The following ELMO1 variants were observed in gnomAD, a reference collection of about 807,000 sequenced individuals.
ELMO1 encodes engulfment and cell motility protein 1.
Under a neutral mutation model 98.9 loss-of-function variants are expected in ELMO1, and 26 were observed. The observed-to-expected ratio is 0.26, with a 90% confidence interval of 0.19 to 0.36. ELMO1 has a LOEUF of 0.36. ELMO1 is among the 10% of genes least tolerant of loss of function. The probability of loss-of-function intolerance (pLI) is 1.00; values close to 1 mark genes in which losing one functional copy is unlikely to be tolerated. For missense variants in ELMO1, 627 were observed against 935.2 expected (o/e 0.67, Z 4.30); for synonymous variants, 346 against 346.0 (o/e 1.00, Z 0.00).
chr7:37,032,615 T>C (rs1477163809), intron 15 of ELMO1, among the ~76,000 whole-genome samples: 1 of 152,140 alleles, frequency 6.6e-6, no homozygotes, highest in East Asian at 1.9e-4. Context: ...GAGAGAGACA[T>C]TCTCCAAAAT....
At chr7:36,915,066 G>A (rs1316405594) in intron 16 of ELMO1, among the ~76,000 whole-genome samples, 3 of 152,094 alleles carry the variant, frequency 2.0e-5, no homozygotes, top group Admixed American at 6.5e-5. Context: ...CAATCCAGGT[G>A]TGCACCACCA....
chr7:37,160,715 G>T (rs913537323), intron 13 of ELMO1, among the ~76,000 whole-genome samples: 2 of 152,176 alleles, frequency 1.3e-5, no homozygotes, highest in African/African-American at 2.4e-5. Flanking sequence ...GTGCCTGGGA[G>T]TCCTGTGCCC....
At chr7:37,339,556 G>C (rs868388476) in intron 2 of ELMO1, among the ~76,000 whole-genome samples, 28 of 152,210 alleles carry the variant, frequency 1.8e-4, no homozygotes, top group African/African-American at 5.8e-4. Context: ...GAACAAGGTA[G>C]AAGATTAGGA....
chr7:37,259,237 C>T lies in ELMO1; in HGVS notation c.357G>A (p.Glu119=). 6.2e-7 allele frequency: 1 copy of T among 1,614,120 alleles called. No individual in the cohort carries two copies. Among genetic ancestry groups the T allele is most frequent in the Non-Finnish European group, 8.5e-7 (1 of 1,180,002 alleles). The change falls in exon 6 of 22, where the codon GAG becomes GAA. Residue 119 remains glutamate, a synonymous_variant. Coordinates refer to ENST00000310758, the MANE Select transcript of ELMO1 (RefSeq NM_014800.11). Reference sequence around the variant, plus strand: ...GAGAGATACCGTCCAGGTTTATAAACTCCTGGGCAAACGTGACATCCCGGG... The same window carrying T: ...GAGAGATACCGTCCAGGTTTATAAATTCCTGGGCAAACGTGACATCCCGGG... ...SLSRDVTFAQ[E]FINLDGISLL... is the part of the protein sequence containing the mutation.
chr7:36,868,443 T>C (rs1772535659), intron 20 of ELMO1, among the ~76,000 whole-genome samples: 1 of 151,982 alleles, frequency 6.6e-6, no homozygotes, highest in Non-Finnish European at 1.5e-5. Flanking sequence ...CCTCCTGGGT[T>C]CAAGTGATTC....
chr7:37,211,082 G>C, intron 13 of ELMO1: 1 of 258,156 alleles, frequency 3.9e-6, no homozygotes, highest in South Asian at 6.1e-5. Context: ...CAAATCTTAA[G>C]CATCTTGTGA....
At chr7:37,043,964 T>G (rs1369806464) in intron 15 of ELMO1, among the ~76,000 whole-genome samples, 1 of 152,140 alleles carries the variant, frequency 6.6e-6, no homozygotes, top group Non-Finnish European at 1.5e-5. Context: ...TCCCCAAGAC[T>G]TGAAATAATG....
intron 4 of ELMO1, among the ~76,000 whole-genome samples, chr7:37,281,401 GA>G (rs1433194272): frequency 6.6e-6 from 1 of 152,004 alleles, no homozygotes; most frequent in Non-Finnish European, 1.5e-5. Context: ...GTGTGAGGAA[GA>G]AAAAAACAAT....
chr7:36,983,890 A>G (rs1040135184), intron 16 of ELMO1, among the ~76,000 whole-genome samples: 2 of 152,154 alleles, frequency 1.3e-5, no homozygotes, highest in African/African-American at 4.8e-5. Context: ...TGGGGGGAGC[A>G]GAGAGGAGGT....
chr7:36,982,020 A>C (rs1436651487), intron 16 of ELMO1, among the ~76,000 whole-genome samples: 1 of 152,252 alleles, frequency 6.6e-6, no homozygotes, highest in African/African-American at 2.4e-5. Context: ...AGTAGCCACT[A>C]AACACGGTGG....
chr7:36,925,601 C>T (rs982241953), intron 16 of ELMO1, among the ~76,000 whole-genome samples: 4 of 152,202 alleles, frequency 2.6e-5, no homozygotes, highest in African/African-American at 9.7e-5. Context: ...CAGTGCAGGG[C>T]CTGAAAGCCC....
intron 1 of ELMO1, among the ~76,000 whole-genome samples, chr7:37,367,235 T>A (rs919919923): frequency 2.0e-5 from 3 of 152,224 alleles, no homozygotes; most frequent in Non-Finnish European, 4.4e-5. Flanking sequence ...GGTAACCTAA[T>A]GCCAGTAAAA....
At chr7:37,042,586 A>C (rs572371528) in intron 15 of ELMO1, among the ~76,000 whole-genome samples, 2 of 152,312 alleles carry the variant, frequency 1.3e-5, no homozygotes, top group Non-Finnish European at 2.9e-5. Context: ...TATGGAAAAG[A>C]TGCAGGCTCT....
intron 13 of ELMO1, among the ~76,000 whole-genome samples, chr7:37,146,298 T>C (rs958385054): frequency 2.0e-5 from 3 of 152,182 alleles, no homozygotes; most frequent in African/African-American, 7.2e-5. Flanking sequence ...GAGCCAAGAA[T>C]GTGCATTCAT....
chr7:37,081,502 C>T (rs897116114), intron 15 of ELMO1, among the ~76,000 whole-genome samples: 1 of 152,178 alleles, frequency 6.6e-6, no homozygotes, highest in East Asian at 1.9e-4. Flanking sequence ...TTCCATCATT[C>T]CCATGTGTTG....
intron 1 of ELMO1, among the ~76,000 whole-genome samples, chr7:37,344,068 G>A (rs1446608102): frequency 8.8e-6 from 1 of 113,820 alleles, no homozygotes; most frequent in Non-Finnish European, 1.7e-5. Context: ...GTCTCCCTCT[G>A]TTGCCCAGGC....
chr7:37,095,880 G>T (rs1182936342), intron 15 of ELMO1, among the ~76,000 whole-genome samples: 2 of 152,290 alleles, frequency 1.3e-5, no homozygotes, highest in African/African-American at 4.8e-5. Flanking sequence ...TGTGCGGAAA[G>T]ATTTATATGT....
intron 13 of ELMO1, among the ~76,000 whole-genome samples, chr7:37,136,495 C>T (rs373179439): frequency 3.3e-5 from 5 of 152,108 alleles, no homozygotes; most frequent in African/African-American, 1.2e-4. Flanking sequence ...TAACCTATAA[C>T]GGAAAACCTA....
intron 16 of ELMO1, among the ~76,000 whole-genome samples, chr7:36,954,317 C>T (rs1224190600): frequency 6.6e-6 from 1 of 152,064 alleles, no homozygotes; most frequent in African/African-American, 2.4e-5. Flanking sequence ...GGGTTCTGGC[C>T]AAATGTTTAG....
Sources: gnomAD v4.1 joint callset for allele counts (sites outside exome capture counted in the v4.1 genomes callset) on GRCh38, gnomAD v4.1.1 for gene constraint, MANE v1.5 for transcripts, NCBI Gene and HGNC (gene_info 2026-07-23, HGNC 2026-07-21) for gene names.